The following RELT variants were observed in gnomAD, a reference collection of about 807,000 sequenced individuals.
RELT encodes the protein tumor necrosis factor receptor superfamily member 19L.
In RELT, 37 loss-of-function variants were observed where a neutral mutation model predicts 51.1. The ratio of observed to expected loss-of-function variants is 0.72; its 90% confidence interval spans 0.56 to 0.95. The LOEUF (loss-of-function observed/expected upper bound fraction) is 0.95. Ranked by LOEUF, RELT falls within the 40% of genes least tolerant of loss-of-function variation. The pLI is 0.00. For synonymous variants in RELT, 241 were observed against 235.7 expected (o/e 1.02, Z -0.21); for missense variants, 535 against 572.6 (o/e 0.93, Z 0.67).
chr11:73,383,896 G>A (rs1866084863), intron 1 of RELT, among the ~76,000 whole-genome samples: 1 of 152,220 alleles, frequency 6.6e-6, no homozygotes, highest in South Asian at 2.1e-4. Flanking sequence ...GGAACCGCTG[G>A]GCTCCTTGCT....
rs1247585523 is a variant in RELT at position 73,386,223 on chromosome 11, C to T, written c.-25-2889C>T. ...CTAAGCCAAGTTCCTTCTCTGCTAC[C>T]CCCCTGGGGCCCCTCCTCCCCATCC... On this transcript the variant is annotated intron_variant, in intron 1 of 10. Coordinates refer to ENST00000064780, the MANE Select transcript of RELT (RefSeq NM_152222.2). 5.9e-5 allele frequency among the ~76,000 whole-genome samples: 9 copies of T among 152,150 alleles called. 1 individual carries two copies. Among genetic ancestry groups the T allele is most frequent in the Admixed American group, 2.0e-4 (3 of 15,278 alleles).
intron 1 of RELT, among the ~76,000 whole-genome samples, chr11:73,387,730 G>C (rs972583399): frequency 6.6e-6 from 1 of 152,174 alleles, no homozygotes; most frequent in Non-Finnish European, 1.5e-5. Flanking sequence ...TGGACAGATC[G>C]GTTTCCTGGG....
In RELT at chr11:73,394,148, G is replaced by T; in HGVS notation, c.707-88G>T. On this transcript the variant is annotated intron_variant, in intron 7 of 10. Transcript: ENST00000064780. This position sits in a 1 kb window ranked among gnomAD's most constrained non-coding sequence, Gnocchi z 4.9. ...CCCAGGCTGGGAGTGGTGGTATGGA[G>T]GGTAGGTGGGGGGTTCTCTGCTGGG... 1 of 1,236,976 alleles carries T rather than the reference G, an allele frequency of 8.1e-7. No homozygotes were observed. Among genetic ancestry groups the T allele is most frequent in the Non-Finnish European group, 1.2e-6 (1 of 867,082 alleles). 76.6% of individuals were successfully genotyped at this position (1,236,976 alleles called of 1,614,324 possible).
intron 1 of RELT, among the ~76,000 whole-genome samples, chr11:73,386,111 CTG>C (rs1014354488): frequency 6.6e-5 from 10 of 152,224 alleles, no homozygotes; most frequent in South Asian, 6.2e-4. Flanking sequence ...GATGAGAAAA[CTG>C]AGACCCAGTG....
chr11:73,385,484 G>C (rs1443083328), intron 1 of RELT, among the ~76,000 whole-genome samples: 4 of 152,158 alleles, frequency 2.6e-5, no homozygotes, highest in African/African-American at 9.7e-5. Flanking sequence ...TTGGAGAGCT[G>C]AGTCTGAGGA....
intron 5 of RELT, among the ~76,000 whole-genome samples, chr11:73,391,741 T>C (rs1866218049): frequency 6.6e-6 from 1 of 152,084 alleles, no homozygotes; most frequent in Admixed American, 6.5e-5. Context: ...ATCGCCCCAC[T>C]GCACTCCAGC....
intron 1 of RELT, among the ~76,000 whole-genome samples, chr11:73,386,013 G>C (rs1390341659): frequency 6.6e-6 from 1 of 152,226 alleles, no homozygotes; most frequent in Non-Finnish European, 1.5e-5. Flanking sequence ...ATGGCAGAGT[G>C]AGACACTGTC....
Position 73,390,441 on chromosome 11 carries a change from A to C in RELT, c.46-110A>C, listed in dbSNP as rs1056255399. 4.3e-6 allele frequency: 4 copies of C among 928,150 alleles called. No individual in the cohort carries two copies. In the African/African-American group the frequency reaches 4.9e-5, roughly 11 times the overall value. 57.5% of individuals were successfully genotyped at this position (928,150 alleles called of 1,614,324 possible). A position where few individuals can be genotyped will look rare whatever the true frequency, so the allele number is the denominator to read the frequency against. On this transcript the variant is annotated intron_variant, in intron 2 of 10. Coordinates refer to ENST00000064780, the MANE Select transcript of RELT (RefSeq NM_152222.2). ...TGTGTCCCTGAAGCCCGGGTGGGGT[A>C]GTCAGTGGTCCCTACCACTGGGGTT...
In RELT at chr11:73,392,214, G is replaced by T. The variant is rs751362543; in HGVS notation, c.371G>T (p.Trp124Leu). 1.9e-6 allele frequency: 3 copies of T among 1,610,824 alleles called. No homozygotes were observed. The highest frequency in any genetic ancestry group is 2.2e-5 in the East Asian group (1 of 44,792). Reference sequence around the variant, plus strand: ...CTCCATCGTCTGTGATGCTCAGAGTGGGGGCGGCGGGCCCGACGTGGCGTG... The same window carrying T: ...CTCCATCGTCTGTGATGCTCAGAGTTGGGGCGGCGGGCCCGACGTGGCGTG... Reference protein sequence around the residue: ...APLGTHGCDEWGRRARRGVEV... With the variant: ...APLGTHGCDELGRRARRGVEV... The change falls in exon 6 of 11, where the codon TGG (tryptophan) becomes TTG (leucine). Residue 124 changes from tryptophan to leucine, a missense_variant. Trp to Leu is a moderately conservative substitution (Grantham distance 61). Coordinates refer to ENST00000064780, the MANE Select transcript of RELT (RefSeq NM_152222.2).
Position 73,392,344 on chromosome 11 carries a change from C to CA in RELT, c.502dup (p.Ile168AsnfsTer50). ...CAGCCGCCCAGTACGCGGTCATCGCCATCGTCCCTGTCTTCTGCCTCATGG... is the reference window on the plus strand; with the variant it reads ...CAGCCGCCCAGTACGCGGTCATCGCCAATCGTCCCTGTCTTCTGCCTCATGG... On this transcript the variant is annotated frameshift_variant, in exon 6 of 11. Transcript: ENST00000064780. LOFTEE classifies it high-confidence loss of function. The CA allele has an allele frequency of 1.2e-6, 2 of 1,613,842 alleles. No individual in the cohort carries two copies. The highest frequency in any genetic ancestry group is 1.7e-6 in the Non-Finnish European group (2 of 1,179,942).
At chr11:73,386,249 AGTGTGGCTGG>A (rs1187073796) in intron 1 of RELT, among the ~76,000 whole-genome samples, 2 of 152,048 alleles carry the variant, frequency 1.3e-5, no homozygotes, top group African/African-American at 4.8e-5. Flanking sequence ...CTCCCCATCC[AGTGTGGCTGG>A]GTGTGGCTCT....
At position 73,388,305 on chromosome 11, in the gene RELT, T is replaced by C. The variant is rs542024882; in HGVS notation, c.-25-807T>C. Among the ~76,000 whole-genome samples the C allele has an allele frequency of 6.6e-6, 1 of 152,212 alleles. No individual in the cohort carries two copies. Among genetic ancestry groups the C allele is most frequent in the African/African-American group, 2.4e-5 (1 of 41,460 alleles). The stretch of plus-strand genomic sequence containing the variant: ...ACAGGGACCTTGTCTGTCTTGTTCA[T>C]ACCGATTTCTCCAGTGCCCGCACGC... On this transcript the variant is annotated intron_variant, in intron 1 of 10. Transcript: ENST00000064780. The surrounding 1 kb of genome is among the most constrained non-coding windows in gnomAD (Gnocchi z 4.1).
intron 1 of RELT, among the ~76,000 whole-genome samples, chr11:73,380,858 C>T (rs1056142010): frequency 6.6e-6 from 1 of 152,188 alleles, no homozygotes; most frequent in Non-Finnish European, 1.5e-5. Context: ...GGGATGTGGT[C>T]TCTGGACAGG....
chr11:73,395,117 G>C lies in RELT; in HGVS notation c.1077G>C (p.Arg359=). The C allele has an allele frequency of 1.2e-6, 2 of 1,613,646 alleles. No homozygotes were observed. Among genetic ancestry groups the C allele is most frequent in the South Asian group, 2.2e-5 (2 of 91,086 alleles). The change falls in exon 10 of 11, where the codon CGG becomes CGC. Residue 359 remains arginine (R), a synonymous_variant. Transcript: ENST00000064780. ...RFRVARIPEQ[R]TSSMVSEVKT... ...GCGTGGCTCGAATTCCTGAGCAGCG[G>C]ACAAGTTCAATGGTGTCTGAGGTGA...
chr11:73,379,344 T>G (rs147288793), intron 1 of RELT, among the ~76,000 whole-genome samples: 6 of 152,296 alleles, frequency 3.9e-5, no homozygotes, highest in African/African-American at 1.4e-4. Context: ...GCCAAACCTT[T>G]CTGGGAACTT....
At chr11:73,378,592 T>C (rs2134435910) in intron 1 of RELT, among the ~76,000 whole-genome samples, 1 of 152,324 alleles carries the variant, frequency 6.6e-6, no homozygotes, top group South Asian at 2.1e-4. Context: ...TAATAACTGC[T>C]CATGGCTTTC....
In RELT at chr11:73,388,844, TTCC is replaced by T. The variant is rs1304024675; in HGVS notation, c.-25-262_-25-260del. Among the ~76,000 whole-genome samples, 1 of 152,176 alleles carries T rather than the reference TTCC, an allele frequency of 6.6e-6. No homozygotes were observed. Among genetic ancestry groups the T allele is most frequent in the Non-Finnish European group, 1.5e-5 (1 of 68,008 alleles). On this transcript the variant is annotated intron_variant, in intron 1 of 10. Transcript: ENST00000064780. This position sits in a 1 kb window ranked among gnomAD's most constrained non-coding sequence, Gnocchi z 4.1. ...AGTTTAAGGAAGGGGAAGGAAGCCC[TTCC>T]TCCTCTGGGAAGCCTCCCAGCCTGC...
intron 2 of RELT, among the ~76,000 whole-genome samples, 179 bp downstream of exon 2, chr11:73,389,360 G>A (rs1202116316): frequency 6.6e-6 from 1 of 152,244 alleles, no homozygotes; most frequent in Non-Finnish European, 1.5e-5. Context: ...ACCCAGGCTT[G>A]TCAGGGAGAT....
At chr11:73,377,878 C>T (rs543389417) in intron 1 of RELT, among the ~76,000 whole-genome samples, 5 of 152,014 alleles carry the variant, frequency 3.3e-5, no homozygotes, top group Non-Finnish European at 7.4e-5. Context: ...CACAGCGGCC[C>T]AGGGGCTGCA....
Sources: gnomAD v4.1 joint callset for allele counts (sites outside exome capture counted in the v4.1 genomes callset) on GRCh38, gnomAD v4.1.1 for gene constraint, Gnocchi (gnomAD v3.1) non-coding constraint, MANE v1.5 for transcripts, NCBI Gene and HGNC (gene_info 2026-07-23, HGNC 2026-07-21) for gene names.